The following CADPS2 variants were observed in gnomAD, a reference collection of about 807,000 sequenced individuals.
CADPS2 encodes calcium-dependent secretion activator 2.
A neutral mutation model predicts 172.5 loss-of-function variants in CADPS2; 93 were observed. That is an observed-to-expected ratio of 0.54 (90% CI 0.46 to 0.64). The LOEUF (loss-of-function observed/expected upper bound fraction) is 0.64. Ranked by LOEUF, CADPS2 falls within the 30% of genes least tolerant of loss-of-function variation. CADPS2 has a pLI of 0.00. For missense variants in CADPS2, 1,420 were observed against 1,565.9 expected, an observed-to-expected ratio of 0.91 and a Z score of 1.57; for synonymous variants, 546 against 555.2, an observed-to-expected ratio of 0.98 and a Z score of 0.23.
intron 3 of CADPS2, among the ~76,000 whole-genome samples, chr7:122,661,691 T>C (rs573651898): frequency 3.9e-5 from 6 of 152,178 alleles, no homozygotes; most frequent in African/African-American, 7.2e-5. Flanking sequence ...TATCAAGTCT[T>C]ATCTTATATA....
At chr7:122,419,279 C>T (rs191981531) in intron 17 of CADPS2, among the ~76,000 whole-genome samples, 28 of 152,306 alleles carry the variant, frequency 1.8e-4, no homozygotes, top group African/African-American at 6.5e-4. Context: ...GTATCTAATA[C>T]ATCAAGGGTG....
intron 1 of CADPS2, among the ~76,000 whole-genome samples, chr7:122,863,442 C>T (rs978701164): frequency 1.3e-5 from 2 of 151,918 alleles, no homozygotes; most frequent in African/African-American, 2.4e-5. Context: ...CACTAAATAC[C>T]GTAGCAATGC....
At chr7:122,842,852 C>G (rs1326040086) in intron 1 of CADPS2, among the ~76,000 whole-genome samples, 1 of 152,186 alleles carries the variant, frequency 6.6e-6, no homozygotes, top group East Asian at 1.9e-4. Flanking sequence ...CCACTAAGGG[C>G]CCAAGCAATG....
Position 122,445,913 on chromosome 7 carries a change from C to T in CADPS2, c.2289-4338G>A, listed in dbSNP as rs965051348. On this transcript the variant is annotated intron_variant, in intron 15 of 29. Coordinates refer to ENST00000449022, the MANE Select transcript of CADPS2 (RefSeq NM_017954.11). ...TCTACTCAGATAATCATGTTACTTG[C>T]AAATAAAGATAGTTTTGCTTCTTCC... Among the ~76,000 whole-genome samples, 5 of 152,264 alleles carry T rather than the reference C, an allele frequency of 3.3e-5. 1 individual carries two copies. The South Asian group carries it at 1.0e-3, about 32-fold the overall frequency.
chr7:122,853,583 C>A (rs1437127946), intron 1 of CADPS2, among the ~76,000 whole-genome samples: 1 of 152,318 alleles, frequency 6.6e-6, no homozygotes, highest in African/African-American at 2.4e-5. Context: ...TATACCAAAT[C>A]CCCCTATTGA....
chr7:122,568,175 G>T (rs1325943983), intron 7 of CADPS2, among the ~76,000 whole-genome samples: 1 of 152,092 alleles, frequency 6.6e-6, no homozygotes, highest in African/African-American at 2.4e-5. Context: ...AAGGTGGGTG[G>T]ACTGCTTGAG....
intron 1 of CADPS2, among the ~76,000 whole-genome samples, chr7:122,857,652 A>G (rs1431109694): frequency 1.3e-5 from 2 of 152,196 alleles, no homozygotes; most frequent in African/African-American, 4.8e-5. Context: ...AAACAATTCT[A>G]AATAGCTCCC....
intron 1 of CADPS2, among the ~76,000 whole-genome samples, chr7:122,802,063 A>C (rs911366208): frequency 6.6e-6 from 1 of 152,240 alleles, no homozygotes; most frequent in Non-Finnish European, 1.5e-5. Context: ...AAAAGCTATA[A>C]GATGTCTAAA....
At chr7:122,595,369 G>A (rs1436884376) in intron 6 of CADPS2, among the ~76,000 whole-genome samples, 2 of 151,962 alleles carry the variant, frequency 1.3e-5, no homozygotes, top group East Asian at 1.9e-4. Context: ...TGTCTAATTC[G>A]ATGGAACTTT....
At chr7:122,795,250 A>G (rs1370865706) in intron 1 of CADPS2, among the ~76,000 whole-genome samples, 2 of 152,116 alleles carry the variant, frequency 1.3e-5, no homozygotes, top group Non-Finnish European at 2.9e-5. Flanking sequence ...ATTCAAATAA[A>G]CAAAATCAGA....
chr7:122,679,809 G>A (rs781503603), intron 2 of CADPS2, among the ~76,000 whole-genome samples: 7 of 152,112 alleles, frequency 4.6e-5, no homozygotes, highest in African/African-American at 9.7e-5. Context: ...GAAATATCGG[G>A]GGCTGAATTT....
At chr7:122,539,649 A>G (rs1322212337) in intron 8 of CADPS2, among the ~76,000 whole-genome samples, 2 of 152,088 alleles carry the variant, frequency 1.3e-5, no homozygotes, top group African/African-American at 4.8e-5. Flanking sequence ...TTTGTAACCA[A>G]TGTAATTGTG....
intron 7 of CADPS2, among the ~76,000 whole-genome samples, chr7:122,576,100 TC>T (rs1385986332): frequency 1.3e-5 from 2 of 152,180 alleles, no homozygotes; most frequent in Admixed American, 1.3e-4. Flanking sequence ...CTCCTTAGTC[TC>T]CTCTGATTTG....
At position 122,796,270 on chromosome 7, in the gene CADPS2, A is replaced by T. The variant is rs575029823; in HGVS notation, c.340-59202T>A. Among the ~76,000 whole-genome samples the T allele has an allele frequency of 1.4e-4, 21 of 152,372 alleles. No individual in the cohort carries two copies. In the South Asian group the frequency reaches 4.3e-3, roughly 32 times the overall value. On this transcript the variant is annotated intron_variant, in intron 1 of 29. Transcript: ENST00000449022. Reference sequence around the variant, plus strand: ...GGATAGGAAGACTCAATATTGTTAAATTGGCCATACTGCCCAAAGCAATTT... The same window carrying T: ...GGATAGGAAGACTCAATATTGTTAATTTGGCCATACTGCCCAAAGCAATTT...
intron 2 of CADPS2, among the ~76,000 whole-genome samples, chr7:122,704,754 T>C (rs1250761193): frequency 6.6e-6 from 1 of 152,038 alleles, no homozygotes; most frequent in Non-Finnish European, 1.5e-5. Flanking sequence ...GAAACAATCA[T>C]CTATCTCTTA....
At chr7:122,486,063 T>C (rs544777969) in intron 11 of CADPS2, among the ~76,000 whole-genome samples, 12 of 152,250 alleles carry the variant, frequency 7.9e-5, no homozygotes, top group Non-Finnish European at 1.3e-4. Flanking sequence ...CTCACTGACA[T>C]AGCATCTAGT....
At chr7:122,457,804 TC>T (rs1215623751) in intron 14 of CADPS2, among the ~76,000 whole-genome samples, 9 of 152,210 alleles carry the variant, frequency 5.9e-5, no homozygotes, top group Admixed American at 5.9e-4. Flanking sequence ...GTGTTTATAA[TC>T]CCTAGGCTTT....
intron 2 of CADPS2, among the ~76,000 whole-genome samples, chr7:122,715,805 A>AC (rs199745333): frequency 1.8e-3 from 267 of 152,208 alleles, no homozygotes; most frequent in African/African-American, 5.8e-3. Context: ...GTAAGGTACT[A>AC]CCAAAGCTTA....
At chr7:122,629,053 C>A (rs544418441) in intron 4 of CADPS2, among the ~76,000 whole-genome samples, 195 bp downstream of exon 4, 2 of 151,642 alleles carry the variant, frequency 1.3e-5, no homozygotes, top group African/African-American at 2.4e-5. Flanking sequence ...AGGATGAGTA[C>A]GTAAAATGAA....
Sources: allele counts gnomAD v4.1 joint callset (sites outside exome capture counted in the v4.1 genomes callset), GRCh38; gene constraint gnomAD v4.1.1; transcripts MANE v1.5; gene names NCBI Gene and HGNC (gene_info 2026-07-23, HGNC 2026-07-21).